GLCE: variants seen among roughly 807,000 people sequenced by gnomAD.
GLCE encodes the protein D-glucuronyl C5-epimerase.
A neutral mutation model predicts 47.9 loss-of-function variants in GLCE; 19 were observed. That is an observed-to-expected ratio of 0.40 (90% confidence interval 0.28 to 0.58). The LOEUF is 0.58. Ranked by LOEUF, GLCE falls within the 20% of genes least tolerant of loss-of-function variation. The pLI is 0.48. For missense variants in GLCE, 556 were observed against 743.3 expected, an observed-to-expected ratio of 0.75 and a Z score of 2.93; for synonymous variants, 245 against 263.4, an observed-to-expected ratio of 0.93 and a Z score of 0.68.
intron 1 of GLCE, among the ~76,000 whole-genome samples, chr15:69,189,903 A>G (rs1421716636): frequency 6.6e-6 from 1 of 151,892 alleles, no homozygotes; most frequent in Non-Finnish European, 1.5e-5. Flanking sequence ...TTTGTTGTAC[A>G]GATTATTTTG....
intron 2 of GLCE, among the ~76,000 whole-genome samples, chr15:69,222,720 G>A (rs1359733221): frequency 6.6e-6 from 1 of 152,188 alleles, no homozygotes; most frequent in Admixed American, 6.5e-5. Context: ...AATGGGAGAA[G>A]TTATTTCTGG....
In GLCE at chr15:69,269,232, A is replaced by G. The variant is rs149278970; in HGVS notation, c.1842A>G (p.Ala614=). Residue 614 remains alanine (A), a synonymous_variant, in exon 5 of 5, where the codon GCA becomes GCG. Coordinates refer to ENST00000261858, the MANE Select transcript of GLCE (RefSeq NM_015554.3). ...AAAGCTACCTTAAAGGCAGCAGGGC[A>G]AAGCACAACTAGAGCTCACAACCAA... is the stretch of plus-strand genomic sequence containing the variant. ...RWKSYLKGSR[A]KHN 55 of 1,613,712 alleles carry G rather than the reference A, an allele frequency of 3.4e-5. No homozygotes were observed. The African/African-American group carries it at 6.9e-4, about 20-fold the overall frequency.
At chr15:69,216,582 AC>A (rs1444399902) in intron 2 of GLCE, among the ~76,000 whole-genome samples, 2 of 152,014 alleles carry the variant, frequency 1.3e-5, no homozygotes, top group African/African-American at 4.8e-5. Flanking sequence ...CCTATGTTTA[AC>A]CCATTAGAAT....
At chr15:69,266,478 G>A (rs2053088588) in intron 4 of GLCE, among the ~76,000 whole-genome samples, 1 of 152,014 alleles carries the variant, frequency 6.6e-6, no homozygotes, top group African/African-American at 2.4e-5. Flanking sequence ...ACATGCCACT[G>A]CACTTGGCTA....
intron 1 of GLCE, among the ~76,000 whole-genome samples, chr15:69,186,722 G>T (rs1035416137): frequency 8.5e-5 from 13 of 152,186 alleles, no homozygotes; most frequent in African/African-American, 3.1e-4. Context: ...GTATTCCCTA[G>T]AATTTTTTTA....
intron 2 of GLCE, among the ~76,000 whole-genome samples, chr15:69,216,741 A>G (rs1457308518): frequency 6.6e-6 from 1 of 152,084 alleles, no homozygotes; most frequent in African/African-American, 2.4e-5. Context: ...ATATGCTTAG[A>G]TTTGAAAAAT....
chr15:69,186,041 C>T (rs1206196444), intron 1 of GLCE, among the ~76,000 whole-genome samples: 3 of 152,032 alleles, frequency 2.0e-5, no homozygotes, highest in East Asian at 1.9e-4. Context: ...ACAGATGAAG[C>T]GATGCATAGG....
intron 1 of GLCE, among the ~76,000 whole-genome samples, chr15:69,165,505 C>CTTTTTTTTTTTTTTTTTT (rs1172987241): frequency 1.2e-5 from 1 of 84,628 alleles, no homozygotes. Flanking sequence ...GCACTGTCTG[C>CTTTTTTTTTTTTTTTTTT]TTTTTTTTTT....
At chr15:69,264,470 G>A (rs2053058837) in intron 4 of GLCE, among the ~76,000 whole-genome samples, 1 of 152,038 alleles carries the variant, frequency 6.6e-6, no homozygotes, top group Admixed American at 6.5e-5. Context: ...CCATGCCTTG[G>A]CTATTGTGAA....
chr15:69,188,482 G>A (rs2051863790), intron 1 of GLCE, among the ~76,000 whole-genome samples: 1 of 152,146 alleles, frequency 6.6e-6, no homozygotes, highest in Non-Finnish European at 1.5e-5. Flanking sequence ...TTTAGAATTA[G>A]TATTATTTCT....
intron 2 of GLCE, among the ~76,000 whole-genome samples, chr15:69,220,960 T>C (rs115760607): frequency 0.036 from 5,468 of 152,322 alleles, 354 homozygotes; most frequent in African/African-American, 0.12. Context: ...AGGATCCAGC[T>C]TCACTCTTTT....
intron 2 of GLCE, among the ~76,000 whole-genome samples, chr15:69,214,795 C>T (rs1049984180): frequency 6.6e-6 from 1 of 152,144 alleles, no homozygotes; most frequent in African/African-American, 2.4e-5. Context: ...TCATTCTCTA[C>T]ACTATATTTA....
chr15:69,248,510 GTGCTTGCT>G (rs779225378), intron 2 of GLCE, among the ~76,000 whole-genome samples: 1 of 152,122 alleles, frequency 6.6e-6, no homozygotes, highest in Non-Finnish European at 1.5e-5. Context: ...TATAGGCCAA[GTGCTTGCT>G]TGCTTGCTTG....
chr15:69,212,351 A>C (rs759478372), intron 2 of GLCE, among the ~76,000 whole-genome samples: 24 of 151,996 alleles, frequency 1.6e-4, no homozygotes, highest in Admixed American at 1.3e-4. Context: ...GGTACTTAAA[A>C]GTAAAACAAG....
chr15:69,218,881 C>T (rs1351988166), intron 2 of GLCE, among the ~76,000 whole-genome samples: 1 of 152,134 alleles, frequency 6.6e-6, no homozygotes, highest in Non-Finnish European at 1.5e-5. Context: ...AAAAATTTAA[C>T]ACTGCAAATG....
At chr15:69,254,474 G>T (rs954865840) in intron 2 of GLCE, among the ~76,000 whole-genome samples, 3 of 152,150 alleles carry the variant, frequency 2.0e-5, no homozygotes, top group African/African-American at 7.2e-5. Context: ...GAGTAGTAGG[G>T]TAAGCGTAGA....
At chr15:69,172,212 CAAGTA>C (rs912174502) in intron 1 of GLCE, among the ~76,000 whole-genome samples, 1 of 152,028 alleles carries the variant, frequency 6.6e-6, no homozygotes, top group African/African-American at 2.4e-5. Flanking sequence ...TATGGGAAAA[CAAGTA>C]AAGGTTACAG....
chr15:69,176,367 G>A (rs997166335), intron 1 of GLCE, among the ~76,000 whole-genome samples: 2 of 151,600 alleles, frequency 1.3e-5, no homozygotes, highest in African/African-American at 4.8e-5. Context: ...GGGACTGCAG[G>A]TGGGCAATAC....
At chr15:69,161,407 A>G (rs1318379365) in intron 1 of GLCE, among the ~76,000 whole-genome samples, 1 of 150,356 alleles carries the variant, frequency 6.7e-6, no homozygotes, top group Non-Finnish European at 1.5e-5. Flanking sequence ...TTGGGGGCTG[A>G]GGGTGTGTAG....
Sources: allele counts gnomAD v4.1 joint callset (sites outside exome capture counted in the v4.1 genomes callset), GRCh38; gene constraint gnomAD v4.1.1; transcripts MANE v1.5; gene names NCBI Gene and HGNC (gene_info 2026-07-23, HGNC 2026-07-21).